Variants in ENOX2 observed in about 807,000 individuals in gnomAD.
ENOX2 encodes the protein ecto-NOX disulfide-thiol exchanger 2.
A neutral mutation model predicts 45.0 loss-of-function variants in ENOX2; 36 were observed. The observed-to-expected ratio is 0.80, with a 90% CI of 0.61 to 1.06. The LOEUF is 1.06. ENOX2 is among the 50% of genes least tolerant of loss of function. The pLI, the probability that ENOX2 is intolerant of heterozygous loss-of-function variation, is 0.00. For synonymous variants in ENOX2, 174 were observed against 152.3 expected, an observed-to-expected ratio of 1.14 and a Z score of -1.05; for missense variants, 423 against 462.5, an observed-to-expected ratio of 0.91 and a Z score of 0.78.
intron 3 of ENOX2, among the ~76,000 whole-genome samples, chrX:130,771,153 C>G (rs1290294371): frequency 1.8e-5 from 2 of 112,061 alleles, no homozygotes; most frequent in African/African-American, 6.5e-5. Flanking sequence ...TTCTGAGGTG[C>G]CAGAAATCTC....
chrX:130,707,796 C>G (rs1285383352), intron 3 of ENOX2, among the ~76,000 whole-genome samples: 1 of 112,166 alleles, frequency 8.9e-6, no homozygotes, highest in African/African-American at 3.2e-5. Flanking sequence ...AGGAAGCAAT[C>G]CTGTCTAATC....
chrX:130,794,681 G>C (rs187585373), intron 2 of ENOX2, among the ~76,000 whole-genome samples: 16 of 112,788 alleles, frequency 1.4e-4, no homozygotes, highest in African/African-American at 4.5e-4. Flanking sequence ...GAGAAAGTGA[G>C]AGCTGGTCTT....
At chrX:130,681,114 G>A (rs2037289084) in intron 5 of ENOX2, among the ~76,000 whole-genome samples, 1 of 112,392 alleles carries the variant, frequency 8.9e-6, no homozygotes, top group Non-Finnish European at 1.9e-5. Context: ...AGAGGGAAAG[G>A]GAAAATAACC....
intron 3 of ENOX2, among the ~76,000 whole-genome samples, chrX:130,741,897 G>C (rs1215980867): frequency 8.9e-6 from 1 of 111,750 alleles, no homozygotes; most frequent in Non-Finnish European, 1.9e-5. Flanking sequence ...GTTAACTCTG[G>C]GTAGCTCTAA....
At chrX:130,656,469 T>C in intron 10 of ENOX2, 112 bp downstream of exon 10, 1 of 486,449 alleles carries the variant, frequency 2.1e-6, no homozygotes, top group Admixed American at 3.7e-5. Context: ...TATTTCTAGC[T>C]GGTATCCAGG....
intron 2 of ENOX2, among the ~76,000 whole-genome samples, chrX:130,809,038 G>A (rs2077351292): frequency 8.9e-6 from 1 of 112,014 alleles, no homozygotes; most frequent in Non-Finnish European, 1.9e-5. Context: ...AAGATCCTCT[G>A]GCCTGGAAGT....
At chrX:130,768,317 C>A (rs1053174595) in intron 3 of ENOX2, among the ~76,000 whole-genome samples, 3 of 111,321 alleles carry the variant, frequency 2.7e-5, no homozygotes, top group African/African-American at 9.8e-5. Context: ...TACACAAATG[C>A]CCTTCTCCCT....
intron 14 of ENOX2, 151 bp from the exon 15 acceptor site, chrX:130,625,596 T>C: frequency 5.8e-6 from 3 of 515,525 alleles, no homozygotes; most frequent in Non-Finnish European, 9.0e-6. Flanking sequence ...TTGTGTGTGT[T>C]GGCAGAGTGG....
chrX:130,743,762 G>C (rs939230834), intron 3 of ENOX2, among the ~76,000 whole-genome samples: 5 of 111,091 alleles, frequency 4.5e-5, no homozygotes, highest in Non-Finnish European at 9.4e-5. Flanking sequence ...TTACAGGTGT[G>C]AGCCACCATG....
At chrX:130,771,573 T>C (rs776354956) in intron 3 of ENOX2, among the ~76,000 whole-genome samples, 1 of 112,168 alleles carries the variant, frequency 8.9e-6, no homozygotes, top group Admixed American at 9.4e-5. Flanking sequence ...TCTCCTCTTC[T>C]CCATCCCTAT....
intron 2 of ENOX2, among the ~76,000 whole-genome samples, chrX:130,830,809 T>C (rs2148484703): frequency 8.9e-6 from 1 of 112,185 alleles, no homozygotes; most frequent in South Asian, 3.7e-4. Context: ...AGTAAGTAAA[T>C]AGCCTCCTAA....
chrX:130,846,684 T>C (rs1271735875), intron 2 of ENOX2, among the ~76,000 whole-genome samples: 1 of 112,850 alleles, frequency 8.9e-6, no homozygotes, highest in African/African-American at 3.2e-5. Flanking sequence ...CAAGTAAGAT[T>C]TGTTTCTACA....
intron 2 of ENOX2, among the ~76,000 whole-genome samples, chrX:130,824,359 A>T (rs2077676719): frequency 9.0e-6 from 1 of 111,587 alleles, no homozygotes; most frequent in African/African-American, 3.3e-5. Context: ...GGTCTACTGA[A>T]GTTACATTTT....
chrX:130,798,575 T>C (rs2077170363), intron 2 of ENOX2, among the ~76,000 whole-genome samples: 2 of 112,277 alleles, frequency 1.8e-5, no homozygotes, highest in Non-Finnish European at 3.8e-5. Context: ...GAAGGGTTAC[T>C]GGAAAAACAA....
At chrX:130,692,402 A>G (rs906903311) in intron 4 of ENOX2, among the ~76,000 whole-genome samples, 1 of 112,861 alleles carries the variant, frequency 8.9e-6, no homozygotes, top group East Asian at 2.8e-4. Flanking sequence ...ATTTGAAATC[A>G]TATAAAAGAG....
chrX:130,796,374 T>C (rs1166308074), intron 2 of ENOX2, among the ~76,000 whole-genome samples: 2 of 111,524 alleles, frequency 1.8e-5, no homozygotes, highest in Non-Finnish European at 3.8e-5. Flanking sequence ...AATAGAAGCA[T>C]ATCCATAAAT....
At chrX:130,885,656 G>C (rs7051651) in intron 2 of ENOX2, among the ~76,000 whole-genome samples, 4,925 of 111,801 alleles carry the variant, frequency 0.044, 134 homozygotes, top group African/African-American at 0.1. Flanking sequence ...AGCTGGCAAG[G>C]AGATAATGTC....
At chrX:130,780,159 A>G (rs778179300) in intron 3 of ENOX2, among the ~76,000 whole-genome samples, 2 of 111,395 alleles carry the variant, frequency 1.8e-5, no homozygotes, top group African/African-American at 6.5e-5. Flanking sequence ...TTTGGGGAGT[A>G]GCAGAAAAAA....
chrX:130,668,134 C>T (rs1224837639), intron 7 of ENOX2, among the ~76,000 whole-genome samples: 3 of 108,158 alleles, frequency 2.8e-5, no homozygotes, highest in African/African-American at 1.0e-4. Flanking sequence ...GACAGAGAGA[C>T]AGAAAAAACC....
Sources: gnomAD v4.1 joint callset for allele counts (sites outside exome capture counted in the v4.1 genomes callset) on GRCh38, gnomAD v4.1.1 for gene constraint, MANE v1.5 for transcripts, NCBI Gene and HGNC (gene_info 2026-07-23, HGNC 2026-07-21) for gene names.